Variants in CLK3 observed in about 807,000 individuals in gnomAD.
CLK3 encodes the protein CDC like kinase 3, also known as dual specificity protein kinase CLK3.
CLK3 carries 24 observed loss-of-function variants against 65.2 expected under a neutral mutation model. That is an observed-to-expected ratio of 0.37 (90% CI 0.27 to 0.52). The LOEUF (loss-of-function observed/expected upper bound fraction) is 0.52, where lower values mean the gene tolerates loss of function less well. Ranked by LOEUF, CLK3 falls within the 20% of genes least tolerant of loss-of-function variation. The pLI, the probability that CLK3 is intolerant of heterozygous loss-of-function variation, is 0.92. For missense variants in CLK3, 506 were observed against 660.0 expected, an observed-to-expected ratio of 0.77 and a Z score of 2.56; for synonymous variants, 252 against 240.8, an observed-to-expected ratio of 1.05 and a Z score of -0.43.
rs1452071881 is a variant in CLK3, at chr15:74,621,768, G to A, written c.370-352G>A. 1.4e-5 allele frequency: 5 copies of A among 359,386 alleles called. No individual in the cohort carries two copies. Among genetic ancestry groups the A allele is most frequent in the Non-Finnish European group, 2.7e-5 (5 of 182,514 alleles). 22.3% of individuals were successfully genotyped at this position (359,386 alleles called of 1,614,324 possible). A position where few individuals can be genotyped will look rare whatever the true frequency, so the allele number is the denominator to read the frequency against. ...CTCGGAGGAGGAGGAGGAGGGAGTC[G>A]GGGCGATGGCTCTCCTCACAGCGTG... is the stretch of plus-strand genomic sequence containing the variant. On this transcript the variant is annotated intron_variant, in intron 3 of 12. Transcript: ENST00000395066. The surrounding 1 kb of genome is among the most constrained non-coding windows in gnomAD (Gnocchi z 4.8).
upstream of CLK3, among the ~76,000 whole-genome samples, chr15:74,613,007 G>C (rs2062009687): frequency 6.6e-6 from 1 of 152,210 alleles, no homozygotes; most frequent in South Asian, 2.1e-4. Context: ...GGCAGGCCAG[G>C]GCAGCCCCAG....
chr15:74,615,774 C>G, upstream of CLK3: 3 of 1,243,214 alleles, frequency 2.4e-6, no homozygotes, highest in Non-Finnish European at 3.0e-6. Context: ...CGGGTCGAGC[C>G]GAGGCTGGCG....
chr15:74,619,151 T>G (rs1395267450), intron 1 of CLK3, 46 bp from the exon 2 acceptor site: 15 of 1,603,872 alleles, frequency 9.4e-6, no homozygotes, highest in Non-Finnish European at 1.1e-5. Context: ...TGGCTGGAGG[T>G]GGCTGGCTGT....
In CLK3 at chr15:74,621,663, A is replaced by G. The variant is rs1299725864; in HGVS notation, c.370-457A>G. Reference sequence around the variant, plus strand: ...TGGATGGTTGGACCCAGGCGGGGCCAGCTGCCTTCTTGCGCCGCCGTTCTC... The same window carrying G: ...TGGATGGTTGGACCCAGGCGGGGCCGGCTGCCTTCTTGCGCCGCCGTTCTC... On this transcript the variant is annotated intron_variant, in intron 3 of 12. Coordinates refer to ENST00000395066, the MANE Select transcript of CLK3 (RefSeq NM_001130028.2). The surrounding 1 kb of genome is among the most constrained non-coding windows in gnomAD (Gnocchi z 4.8). 9 of 314,028 alleles carry G rather than the reference A, an allele frequency of 2.9e-5. No homozygotes were observed. Among genetic ancestry groups the G allele is most frequent in the Non-Finnish European group, 5.7e-5 (9 of 158,106 alleles). The allele number at this position is 314,028 out of a possible 1,614,324, so 19.5% of individuals were successfully genotyped here.
At position 74,622,155 on chromosome 15, in the gene CLK3, T is replaced by C; in HGVS notation, c.405T>C (p.Ser135=). The stretch of plus-strand genomic sequence containing the variant: ...AGAGCAGTAAGCGCAGCAGCCGGAG[T>C]GTGGAAGATGACAAGGAGGGTCACC... ...SQQSSKRSSR[S]VEDDKEGHLV... is the part of the protein sequence containing the mutation. The change falls in exon 4 of 13, where the codon AGT becomes AGC. Residue 135 remains serine, a synonymous_variant. Coordinates refer to ENST00000395066, the MANE Select transcript of CLK3 (RefSeq NM_001130028.2). The surrounding 1 kb of genome is among the most constrained non-coding windows in gnomAD (Gnocchi z 4.6). 2 of 1,613,764 alleles carry C rather than the reference T, an allele frequency of 1.2e-6. No homozygotes were observed. Among genetic ancestry groups the C allele is most frequent in the Non-Finnish European group, 1.7e-6 (2 of 1,179,934 alleles).
intron 5 of CLK3, among the ~76,000 whole-genome samples, chr15:74,623,278 C>G (rs887450414): frequency 7.9e-5 from 12 of 152,236 alleles, no homozygotes; most frequent in Admixed American, 7.8e-4. Flanking sequence ...GCCATAGGCT[C>G]TCTAGTTGGT....
intron 1 of CLK3, among the ~76,000 whole-genome samples, chr15:74,610,219 C>T (rs2061970816): frequency 6.6e-6 from 1 of 152,248 alleles, no homozygotes; most frequent in Non-Finnish European, 1.5e-5. Context: ...CTTCTGTCTG[C>T]AGCAGCAGGA....
intron 1 of CLK3, among the ~76,000 whole-genome samples, chr15:74,616,258 C>T (rs1279648727): frequency 6.6e-6 from 1 of 152,260 alleles, no homozygotes; most frequent in Non-Finnish European, 1.5e-5. Context: ...GCTTAGTCCG[C>T]AGATGACTCC....
chr15:74,608,934 A>C (rs2061948877), intron 1 of CLK3, among the ~76,000 whole-genome samples: 1 of 152,124 alleles, frequency 6.6e-6, no homozygotes, highest in South Asian at 2.1e-4. Context: ...GCCACCTACC[A>C]GGACTCTTGG....
chr15:74,616,042 A>T (rs2062056680), intron 1 of CLK3, 144 bp downstream of exon 1: 2 of 582,024 alleles, frequency 3.4e-6, no homozygotes, highest in African/African-American at 3.9e-5. Context: ...GCGACCTCTC[A>T]CCCCTGACCC....
upstream of CLK3, chr15:74,615,615 G>C: frequency 8.0e-7 from 1 of 1,251,744 alleles, no homozygotes; most frequent in Non-Finnish European, 1.0e-6. Context: ...ACCTACGTGC[G>C]CCGCGACACG....
chr15:74,626,994 T>C (rs1204978579), intron 7 of CLK3: 5 of 471,554 alleles, frequency 1.1e-5, no homozygotes, highest in Admixed American at 9.3e-5. Context: ...CAAAGGGCCC[T>C]GCAAATTATG....
intron 5 of CLK3, among the ~76,000 whole-genome samples, chr15:74,623,075 A>G (rs1457972064): frequency 6.6e-6 from 1 of 152,190 alleles, no homozygotes; most frequent in African/African-American, 2.4e-5. Context: ...TGACTAGGGT[A>G]GTGTGTGGTC....
chr15:74,620,068 G>C lies in CLK3; in HGVS notation c.212G>C (p.Arg71Pro), dbSNP rs756011168. Residue 71 changes from arginine (R) to proline (P), a missense_variant, in exon 3 of 13, where the codon CGG becomes CCG. Coordinates refer to ENST00000395066, the MANE Select transcript of CLK3 (RefSeq NM_001130028.2). ...GAGCGCCGTGACAGCGATACATACC[G>C]GTGTGAAGAGCGGAGCCCATCCTTT... Reference protein sequence around the residue: ...YRERRDSDTYRCEERSPSFGE... With the variant: ...YRERRDSDTYPCEERSPSFGE... 6 of 1,614,078 alleles carry C rather than the reference G, an allele frequency of 3.7e-6. No individual in the cohort carries two copies. The African/African-American group carries it at 8.0e-5, about 22-fold the overall frequency.
intron 5 of CLK3, among the ~76,000 whole-genome samples, chr15:74,623,090 C>T (rs2062116204): frequency 6.6e-6 from 1 of 152,214 alleles, no homozygotes; most frequent in Non-Finnish European, 1.5e-5. Context: ...GTGGTCTCCG[C>T]TGAGTGTGCC....
chr15:74,608,392 A>G (rs1338236851), exon 1 of CLK3: 1 of 152,430 alleles, frequency 6.6e-6, no homozygotes, highest in African/African-American at 2.4e-5. Flanking sequence ...TACCTCCAGG[A>G]CCTGGAGTGT....
At position 74,625,879 on chromosome 15, in the gene CLK3, C is replaced by A. The variant is rs2062140146; in HGVS notation, c.728C>A (p.Thr243Asn). Reference protein sequence around the residue: ...CIAFELLGKNTFEFLKENNFQ... With the variant: ...CIAFELLGKNNFEFLKENNFQ... ...GCCTTTGAGCTCCTGGGCAAGAACA[C>A]CTTTGAGTTCCTGAAGGAGAATAAC... Residue 243 changes from threonine (T) to asparagine (N), a missense_variant, in exon 7 of 13, where the codon ACC (threonine) becomes AAC (asparagine). Around this residue, in one of 2 missense-constraint regions of CLK3, gnomAD observed 325 missense variants for 500.5 expected, o/e 0.65. Coordinates refer to ENST00000395066, the MANE Select transcript of CLK3 (RefSeq NM_001130028.2). 1 of 1,614,048 alleles carries A rather than the reference C, an allele frequency of 6.2e-7. No homozygotes were observed. The highest frequency in any genetic ancestry group is 1.3e-5 in the African/African-American group (1 of 74,902).
Position 74,629,041 on chromosome 15 carries a change from C to A in CLK3, c.1296+9C>A. 1 of 1,602,764 alleles carries A rather than the reference C, an allele frequency of 6.2e-7. No individual in the cohort carries two copies. Reference sequence around the variant, plus strand: ...ACTGCAAACCTCTGAAGGTCAGTTTCTGGCTACCCCCAGCTGAACTCATGC... The same window carrying A: ...ACTGCAAACCTCTGAAGGTCAGTTTATGGCTACCCCCAGCTGAACTCATGC... On this transcript the variant is annotated intron_variant, in intron 12 of 12. Coordinates refer to ENST00000395066, the MANE Select transcript of CLK3 (RefSeq NM_001130028.2).
chr15:74,629,485 C>T, intron 12 of CLK3: 1 of 582,194 alleles, frequency 1.7e-6, no homozygotes, highest in Non-Finnish European at 3.1e-6. Flanking sequence ...GAGGCATCAA[C>T]CCAGCAAGAC....
Sources: allele counts gnomAD v4.1 joint callset (sites outside exome capture counted in the v4.1 genomes callset), GRCh38; gene constraint gnomAD v4.1.1; regional missense constraint gnomAD v4.1.1; non-coding constraint Gnocchi (gnomAD v3.1); transcripts MANE v1.5; gene names NCBI Gene and HGNC (gene_info 2026-07-23, HGNC 2026-07-21).